The following ADAM9 variants were observed in gnomAD, a reference collection of about 807,000 sequenced individuals.
ADAM9 encodes ADAM metallopeptidase domain 9.
Under a neutral mutation model 108.1 loss-of-function variants are expected in ADAM9, and 54 were observed. That is an observed-to-expected ratio of 0.50 (90% CI 0.40 to 0.63). The LOEUF is 0.63. ADAM9 is among the 20% of genes least tolerant of loss of function. The probability of loss-of-function intolerance (pLI) is 0.00; values close to 1 mark genes in which losing one functional copy is unlikely to be tolerated. For synonymous variants in ADAM9, 316 were observed against 336.0 expected (o/e 0.94, Z 0.65); for missense variants, 830 against 997.7 (o/e 0.83, Z 2.26).
At chr8:39,036,301 C>T (rs1325740883) in intron 11 of ADAM9, among the ~76,000 whole-genome samples, 1 of 152,140 alleles carries the variant, frequency 6.6e-6, no homozygotes, top group Non-Finnish European at 1.5e-5. Flanking sequence ...CTTCCATCAG[C>T]AAGCTTCCAT....
intron 18 of ADAM9, among the ~76,000 whole-genome samples, chr8:39,084,944 A>G (rs1273884786): frequency 6.6e-6 from 1 of 152,122 alleles, no homozygotes; most frequent in Non-Finnish European, 1.5e-5. Context: ...CTTATGAAAT[A>G]GCCTTCTTTT....
At chr8:39,050,167 C>T (rs1018490077) in intron 12 of ADAM9, among the ~76,000 whole-genome samples, 6 of 152,042 alleles carry the variant, frequency 3.9e-5, no homozygotes, top group African/African-American at 1.4e-4. Context: ...TGATGAATTG[C>T]TTTCTTTCTT....
In ADAM9 at chr8:39,042,006, A is replaced by G. The variant is rs141434117; in HGVS notation, c.1191A>G (p.Lys397=). The G allele has an allele frequency of 1.2e-6, 2 of 1,614,034 alleles. No individual in the cohort carries two copies. Among genetic ancestry groups the G allele is most frequent in the African/African-American group, 2.7e-5 (2 of 74,958 alleles). ...AEDFEKLTLN[K]GGNCLLNIPK... is the part of the protein sequence containing the mutation. Reference sequence around the variant, plus strand: ...ACTTTGAGAAGTTAACTTTAAATAAAGGAGGAAACTGCCTTCTTAATATTC... The same window carrying G: ...ACTTTGAGAAGTTAACTTTAAATAAGGGAGGAAACTGCCTTCTTAATATTC... Residue 397 remains lysine, a synonymous_variant, in exon 12 of 22, where the codon AAA becomes AAG. Coordinates refer to ENST00000487273, the MANE Select transcript of ADAM9 (RefSeq NM_003816.3).
chr8:39,065,552 C>T (rs1311620675), intron 14 of ADAM9, among the ~76,000 whole-genome samples: 1 of 149,778 alleles, frequency 6.7e-6, no homozygotes, highest in Non-Finnish European at 1.5e-5. Context: ...CCCAGCTACT[C>T]GGGAGGCTGA....
At position 39,082,681 on chromosome 8, in the gene ADAM9, A is replaced by G. The variant is rs1310026705; in HGVS notation, c.1922A>G (p.Asn641Ser). 3 of 1,612,888 alleles carry G rather than the reference A, an allele frequency of 1.9e-6. No individual in the cohort carries two copies. The highest frequency in any genetic ancestry group is 2.5e-6 in the Non-Finnish European group (3 of 1,179,708). ...CAGTGTGTAGATGCTTCTGTTCTGAATTATGACTGTGATGTTCAGAAAAAG... is the reference window on the plus strand; with the variant it reads ...CAGTGTGTAGATGCTTCTGTTCTGAGTTATGACTGTGATGTTCAGAAAAAG... ...NFQCVDASVL[N>S]YDCDVQKKCH... The change falls in exon 17 of 22, where the codon AAT becomes AGT. Residue 641 changes from asparagine (N) to serine (S), a missense_variant. Asn to Ser is a conservative substitution (Grantham distance 46). This residue lies in a region of ADAM9 where 238 missense variants were observed against 235.7 expected (regional missense o/e 1.01). Transcript: ENST00000487273.
intron 18 of ADAM9, among the ~76,000 whole-genome samples, chr8:39,087,589 T>A (rs1241829204): frequency 6.6e-6 from 1 of 152,222 alleles, no homozygotes; most frequent in Non-Finnish European, 1.5e-5. Context: ...GTAATGAGAT[T>A]AGTTTGAAGA....
rs1839772732 is a variant in ADAM9, at chr8:39,103,725, T to G, written c.*25T>G. The G allele has an allele frequency of 2.3e-5, 36 of 1,569,446 alleles. No individual in the cohort carries two copies. The highest frequency in any genetic ancestry group is 1.7e-4 in the Middle Eastern group (1 of 5,972). ...ATTTTTTTAACCTTCTTTTTGCAAA[T>G]GTCTTCAGGGAACTGAGCTAATACT... is the stretch of plus-strand genomic sequence containing the variant. On this transcript the variant is annotated 3_prime_UTR_variant, in exon 22 of 22. Coordinates refer to ENST00000487273, the MANE Select transcript of ADAM9 (RefSeq NM_003816.3).
In ADAM9 at chr8:39,088,330, A is replaced by G. The variant is rs572383228; in HGVS notation, c.2069-1717A>G. Among the ~76,000 whole-genome samples, 44 of 151,916 alleles carry G rather than the reference A, an allele frequency of 2.9e-4. No individual in the cohort carries two copies. The South Asian group carries it at 8.8e-3, about 30-fold the overall frequency. ...GCCCACGCTGGAGTGCAGTGGTGCA[A>G]TCTCGGCTCCGCCTCCCGGGTTCAT... On this transcript the variant is annotated intron_variant, in intron 18 of 21. Transcript: ENST00000487273.
chr8:39,004,689 C>A (rs1033713047), intron 1 of ADAM9, among the ~76,000 whole-genome samples: 7 of 152,106 alleles, frequency 4.6e-5, no homozygotes. Context: ...ATATGCCAAA[C>A]AAGGGGTGGA....
intron 12 of ADAM9, among the ~76,000 whole-genome samples, chr8:39,042,958 T>C (rs1377737581): frequency 6.6e-6 from 1 of 152,188 alleles, no homozygotes; most frequent in Non-Finnish European, 1.5e-5. Flanking sequence ...TTCTGTTCAC[T>C]GCTTTTATGA....
intron 11 of ADAM9, among the ~76,000 whole-genome samples, chr8:39,034,228 T>C (rs1344144754): frequency 6.6e-6 from 1 of 152,200 alleles, no homozygotes; most frequent in Non-Finnish European, 1.5e-5. Context: ...GTTTTTCTTC[T>C]AGACATATTT....
intron 1 of ADAM9, among the ~76,000 whole-genome samples, chr8:39,001,659 T>C (rs1010494559): frequency 2.0e-5 from 3 of 151,658 alleles, no homozygotes; most frequent in African/African-American, 7.3e-5. Context: ...TAATTAAGTA[T>C]GTTTGAAGGT....
chr8:39,021,578 C>T, intron 7 of ADAM9, 65 bp from the exon 8 acceptor site: 6 of 1,444,480 alleles, frequency 4.2e-6, no homozygotes, highest in Admixed American at 3.3e-5. Flanking sequence ...GGTACTGCAC[C>T]CGGCCTTACA....
At chr8:39,003,681 A>G (rs111957649) in intron 1 of ADAM9, among the ~76,000 whole-genome samples, 240 of 152,306 alleles carry the variant, frequency 1.6e-3, no homozygotes, top group African/African-American at 5.6e-3. Context: ...GATGTTTTGG[A>G]ACTTTTTATG....
chr8:39,006,644 T>C (rs1383216701), intron 1 of ADAM9, among the ~76,000 whole-genome samples: 3 of 151,506 alleles, frequency 2.0e-5, no homozygotes, highest in South Asian at 2.1e-4. Flanking sequence ...CGAGAGACTA[T>C]GTATTGGACT....
At chr8:39,022,013 C>G (rs1836756617) in intron 8 of ADAM9, among the ~76,000 whole-genome samples, 2 of 150,454 alleles carry the variant, frequency 1.3e-5, no homozygotes, top group Non-Finnish European at 2.9e-5. Flanking sequence ...TCGAATGCAT[C>G]TTATTTTGAA....
rs1009409613 is a variant in ADAM9, at chr8:39,104,123, C to T, written c.*423C>T. 3 of 455,346 alleles carry T rather than the reference C, an allele frequency of 6.6e-6. No homozygotes were observed. The highest frequency in any genetic ancestry group is 1.3e-5 in the Non-Finnish European group (3 of 227,912). 28.2% of individuals were successfully genotyped at this position (455,346 alleles called of 1,614,324 possible). A position where few individuals can be genotyped will look rare whatever the true frequency, so the allele number is the denominator to read the frequency against. The stretch of plus-strand genomic sequence containing the variant: ...CATTGAACATGTGATAATCTAATAC[C>T]TGTGAAAACTGACTAATCAGCTGCC... On this transcript the variant is annotated 3_prime_UTR_variant, in exon 22 of 22. Transcript: ENST00000487273.
At chr8:38,998,605 T>C (rs1430387811) in intron 1 of ADAM9, among the ~76,000 whole-genome samples, 2 of 152,148 alleles carry the variant, frequency 1.3e-5, no homozygotes, top group Non-Finnish European at 2.9e-5. Context: ...CAGTTGATTG[T>C]AGAGGGGCAG....
intron 15 of ADAM9, among the ~76,000 whole-genome samples, chr8:39,072,101 T>A (rs538905339): frequency 6.6e-6 from 1 of 152,364 alleles, no homozygotes; most frequent in Non-Finnish European, 1.5e-5. Flanking sequence ...AATTTCAAGA[T>A]GATGAATTTA....
Sources: allele counts gnomAD v4.1 joint callset (sites outside exome capture counted in the v4.1 genomes callset), GRCh38; gene constraint gnomAD v4.1.1; regional missense constraint gnomAD v4.1.1; transcripts MANE v1.5; gene names NCBI Gene and HGNC (gene_info 2026-07-23, HGNC 2026-07-21).